FAM135A: variants seen among roughly 807,000 people sequenced by gnomAD.
FAM135A encodes the protein protein FAM135A.
A neutral mutation model predicts 146.8 loss-of-function variants in FAM135A; 79 were observed. That is an observed-to-expected ratio of 0.54 (90% CI 0.45 to 0.65). FAM135A has a LOEUF of 0.65. FAM135A is among the 30% of genes least tolerant of loss of function. The pLI is 0.00. For missense variants in FAM135A, 1,623 were observed against 1,758.2 expected (o/e 0.92, Z 1.38); for synonymous variants, 562 against 603.6 (o/e 0.93, Z 1.01).
At chr6:70,482,921 AT>A (rs1562498361) in intron 10 of FAM135A, among the ~76,000 whole-genome samples, 2 of 141,776 alleles carry the variant, frequency 1.4e-5, no homozygotes, top group Admixed American at 7.0e-5. Flanking sequence ...TTTAGAATAT[AT>A]TGTTTTATAA....
At chr6:70,472,115 C>T (rs1479629684) in intron 5 of FAM135A, among the ~76,000 whole-genome samples, 1 of 152,066 alleles carries the variant, frequency 6.6e-6, no homozygotes, top group African/African-American at 2.4e-5. Context: ...CTCAAAGCAT[C>T]AGTAAGCAAC....
intron 2 of FAM135A, among the ~76,000 whole-genome samples, chr6:70,416,519 C>T (rs1174669694): frequency 6.6e-6 from 1 of 152,110 alleles, no homozygotes; most frequent in Admixed American, 6.5e-5. Context: ...AGTGCTTTAA[C>T]ATTGAGTTTT....
chr6:70,495,188 T>G (rs1394881969), intron 11 of FAM135A, among the ~76,000 whole-genome samples: 5 of 152,200 alleles, frequency 3.3e-5, no homozygotes. Flanking sequence ...CCATTCCAGC[T>G]TCTGGTATTT....
chr6:70,556,706 T>C (rs761784049), intron 20 of FAM135A, 44 bp from the exon 21 acceptor site: 2 of 1,291,902 alleles, frequency 1.5e-6, no homozygotes, highest in East Asian at 2.5e-5. Flanking sequence ...TTGTTTAAAA[T>C]CTAGTTAACT....
intron 12 of FAM135A, among the ~76,000 whole-genome samples, chr6:70,514,506 C>T (rs981302018): frequency 6.6e-6 from 1 of 152,130 alleles, no homozygotes; most frequent in Non-Finnish European, 1.5e-5. Context: ...TTACTCCCAT[C>T]CTAACCAGAA....
intron 5 of FAM135A, among the ~76,000 whole-genome samples, chr6:70,468,757 C>T (rs1478218687): frequency 1.3e-5 from 2 of 152,126 alleles, no homozygotes; most frequent in African/African-American, 2.4e-5. Context: ...TTCTAGGAGC[C>T]CAGTAGAGAA....
rs1429320258 is a variant in FAM135A at position 70,528,242 on chromosome 6, A to T, written c.3615-50A>T. On this transcript the variant is annotated intron_variant, in intron 15 of 21. Transcript: ENST00000418814. ...ATTCTCTAAATTCAGGAGGGTTCTA[A>T]CAACTGAATATGATCCTTAGTAAAG... The T allele has an allele frequency of 5.3e-6, 8 of 1,521,850 alleles. No individual in the cohort carries two copies. The Admixed American group carries it at 1.7e-4, about 33-fold the overall frequency. The allele number at this position is 1,521,850 out of a possible 1,614,324, so 94.3% of individuals were successfully genotyped here.
chr6:70,468,796 A>G (rs374045713), intron 5 of FAM135A, among the ~76,000 whole-genome samples: 36 of 152,302 alleles, frequency 2.4e-4, no homozygotes, highest in East Asian at 2.3e-3. Flanking sequence ...TTAGTATTCA[A>G]TATGCCTATG....
chr6:70,428,219 T>A (rs1770653745), intron 3 of FAM135A, 85 bp from the exon 4 acceptor site: 1 of 614,992 alleles, frequency 1.6e-6, no homozygotes, highest in African/African-American at 1.9e-5. Flanking sequence ...TGTGTCATAT[T>A]CTAAAATATG....
intron 10 of FAM135A, among the ~76,000 whole-genome samples, chr6:70,489,538 G>A (rs374050549): frequency 6.6e-6 from 1 of 152,114 alleles, no homozygotes; most frequent in Non-Finnish European, 1.5e-5. Flanking sequence ...CAAGAGACAC[G>A]CAGCAAGGGT....
intron 4 of FAM135A, among the ~76,000 whole-genome samples, chr6:70,447,875 T>C (rs1406286763): frequency 6.6e-6 from 1 of 152,186 alleles, no homozygotes; most frequent in Non-Finnish European, 1.5e-5. Flanking sequence ...ATTTCCTTTA[T>C]CCACTCAGTA....
Position 70,502,770 on chromosome 6 carries a change from A to G in FAM135A, c.1008A>G (p.Ala336=), listed in dbSNP as rs769585098. The G allele has an allele frequency of 1.6e-5, 25 of 1,612,102 alleles. No individual in the cohort carries two copies. The highest frequency in any genetic ancestry group is 2.0e-5 in the Non-Finnish European group (24 of 1,178,920). Residue 336 remains alanine, a synonymous_variant, in exon 12 of 22, where the codon GCA becomes GCG. Transcript: ENST00000418814. ...ACGAAGAACTAAGAATATTATTAGC[A>G]CAAGAGCACCATACTTTGAGGGTAA... ...TLHEELRILL[A]QEHHTLRVRR...
intron 12 of FAM135A, among the ~76,000 whole-genome samples, chr6:70,516,739 GT>G (rs1301339982): frequency 4.6e-5 from 7 of 151,830 alleles, no homozygotes; most frequent in Admixed American, 4.6e-4. Flanking sequence ...GTTTCACCGT[GT>G]TAGCCAGGAT....
In FAM135A at chr6:70,524,896, C is replaced by A. The variant is rs777135919; in HGVS notation, c.1812C>A (p.Gly604=). The A allele has an allele frequency of 5.0e-6, 8 of 1,612,594 alleles. No individual in the cohort carries two copies. In the African/African-American group the frequency reaches 1.1e-4, roughly 22 times the overall value. The change falls in exon 15 of 22, where the codon GGC becomes GGA. Residue 604 remains glycine, a synonymous_variant. Transcript: ENST00000418814. ...QPDQFDPLNS[G]NLNLCANLSI... ...ACCAGTTTGATCCTTTGAACTCTGG[C>A]AACCTAAATCTTTGTGCAAATTTGT...
Position 70,477,308 on chromosome 6 carries a change from T to C in FAM135A, c.518T>C (p.Val173Ala). The change falls in exon 8 of 22, where the codon GTT becomes GCT. Residue 173 changes from valine to alanine, a missense_variant. Val to Ala is a moderately conservative substitution (Grantham distance 64, BLOSUM62 0). Around this residue, in one of 7 missense-constraint regions of FAM135A, gnomAD observed 16 missense variants for 39.0 expected, o/e 0.41. Transcript: ENST00000418814. ...TCTGTTACAGTTCATGCATCATTGG[T>C]TGCACTACACCAGCCACTAATAAGG... ...VVSVTVHASL[V>A]ALHQPLISFP... 1.2e-6 allele frequency: 2 copies of C among 1,613,130 alleles called. No homozygotes were observed.
chr6:70,444,366 AC>A (rs1364355781), intron 4 of FAM135A, among the ~76,000 whole-genome samples: 1 of 152,062 alleles, frequency 6.6e-6, no homozygotes, highest in African/African-American at 2.4e-5. Flanking sequence ...TCATGCCACT[AC>A]ACTCCAGCCT....
Position 70,536,240 on chromosome 6 carries a change from A to ATTT in FAM135A, c.3966-13_3966-11dup. ...TAAAACTAATGCTGTGAGAAAATTA[A>ATTT]TTTTTTTTTCCTCTTAAAGCTTTAT... On this transcript the variant is annotated intron_variant, in intron 18 of 21. Transcript: ENST00000418814. 6.3e-7 allele frequency: 1 copy of ATTT among 1,575,370 alleles called. No individual in the cohort carries two copies. The highest frequency in any genetic ancestry group is 8.6e-7 in the Non-Finnish European group (1 of 1,162,228).
At chr6:70,502,585 T>C (rs760483997) in intron 11 of FAM135A, 51 bp from the exon 12 acceptor site, 1 of 1,537,370 alleles carries the variant, frequency 6.5e-7, no homozygotes, top group Non-Finnish European at 8.9e-7. Flanking sequence ...TATTTAAGTA[T>C]GTTACATTAA....
intron 19 of FAM135A, 48 bp from the exon 20 acceptor site, chr6:70,538,242 GT>G: frequency 9.1e-7 from 1 of 1,095,122 alleles, no homozygotes; most frequent in East Asian, 3.0e-5. Context: ...CTTGGCATAT[GT>G]TTTTATATAT....
Sources: gnomAD v4.1 joint callset for allele counts (sites outside exome capture counted in the v4.1 genomes callset) on GRCh38, gnomAD v4.1.1 for gene constraint, gnomAD v4.1.1 regional missense constraint, MANE v1.5 for transcripts, NCBI Gene and HGNC (gene_info 2026-07-23, HGNC 2026-07-21) for gene names.